RIT2: variants seen among roughly 807,000 people sequenced by gnomAD.
The protein encoded by RIT2 is GTP-binding protein Rit2.
Under a neutral mutation model 23.7 loss-of-function variants are expected in RIT2, and 24 were observed. The observed-to-expected ratio is 1.01, with a 90% confidence interval of 0.73 to 1.43. The LOEUF (loss-of-function observed/expected upper bound fraction) is 1.43, where lower values mean the gene tolerates loss of function less well. RIT2 is among the 40% of genes most tolerant of loss of function. The probability of loss-of-function intolerance (pLI) is 0.00; values close to 1 mark genes in which losing one functional copy is unlikely to be tolerated. For missense variants in RIT2, 236 were observed against 266.9 expected, an observed-to-expected ratio of 0.88 and a Z score of 0.81; for synonymous variants, 107 against 91.1, an observed-to-expected ratio of 1.17 and a Z score of -0.99.
At chr18:42,933,606 C>A (rs1909380184) in intron 3 of RIT2, among the ~76,000 whole-genome samples, 1 of 152,054 alleles carries the variant, frequency 6.6e-6, no homozygotes, top group Non-Finnish European at 1.5e-5. Flanking sequence ...GGGGCTTTTG[C>A]CCTTTTTGCT....
intron 3 of RIT2, among the ~76,000 whole-genome samples, chr18:42,936,461 T>C (rs1438819907): frequency 6.6e-6 from 1 of 152,136 alleles, no homozygotes; most frequent in African/African-American, 2.4e-5. Flanking sequence ...TTGTTAATGA[T>C]GTTGTTTCAG....
chr18:43,017,363 A>G (rs1391068754), intron 2 of RIT2, among the ~76,000 whole-genome samples: 3 of 127,224 alleles, frequency 2.4e-5, no homozygotes, highest in Non-Finnish European at 5.4e-5. Context: ...GAGTCAATAA[A>G]TAATAAAAGA....
intron 4 of RIT2, among the ~76,000 whole-genome samples, chr18:42,771,293 T>C (rs537890397): frequency 3.3e-4 from 50 of 152,304 alleles, no homozygotes; most frequent in Middle Eastern, 3.4e-3. Context: ...TCTCTTATGT[T>C]TCTTGTACTT....
chr18:42,928,619 A>G (rs1909243633), intron 3 of RIT2, among the ~76,000 whole-genome samples: 1 of 152,032 alleles, frequency 6.6e-6, no homozygotes, highest in Non-Finnish European at 1.5e-5. Context: ...TACAGAAAAA[A>G]TTATAAAGGA....
At chr18:42,797,960 A>C (rs1190349850) in intron 4 of RIT2, among the ~76,000 whole-genome samples, 1 of 152,332 alleles carries the variant, frequency 6.6e-6, no homozygotes, top group South Asian at 2.1e-4. Context: ...TTATTTGCCA[A>C]ATATCAGGTT....
At chr18:42,925,995 C>T (rs942256776) in intron 3 of RIT2, among the ~76,000 whole-genome samples, 2 of 151,628 alleles carry the variant, frequency 1.3e-5, no homozygotes, top group African/African-American at 4.8e-5. Context: ...AGATGGCCTC[C>T]TTTTATTCTT....
Position 42,905,834 on chromosome 18 carries a change from G to T in RIT2, c.426+17738C>A, listed in dbSNP as rs540768724. Among the ~76,000 whole-genome samples, 4 of 150,528 alleles carry T rather than the reference G, an allele frequency of 2.7e-5. No individual in the cohort carries two copies. In the East Asian group the frequency reaches 7.8e-4, roughly 29 times the overall value. On this transcript the variant is annotated intron_variant, in intron 4 of 4. Coordinates refer to ENST00000326695, the MANE Select transcript of RIT2 (RefSeq NM_002930.4). ...TAAAAGGATCAGAATCTAGGATGTC[G>T]ATAAAACTGATGAGATAAAACAGAG... is the stretch of plus-strand genomic sequence containing the variant.
intron 1 of RIT2, among the ~76,000 whole-genome samples, chr18:43,046,164 AT>A (rs1429296067): frequency 6.6e-6 from 1 of 152,144 alleles, no homozygotes; most frequent in Non-Finnish European, 1.5e-5. Flanking sequence ...AAAATCTTGT[AT>A]TTTAGTCAAT....
intron 4 of RIT2, among the ~76,000 whole-genome samples, chr18:42,885,994 T>C (rs982352649): frequency 4.6e-5 from 7 of 152,168 alleles, no homozygotes; most frequent in African/African-American, 1.7e-4. Flanking sequence ...GGAAGTGACT[T>C]ATTAGTAACC....
chr18:43,020,974 C>T (rs183737297), intron 2 of RIT2, among the ~76,000 whole-genome samples: 8 of 151,948 alleles, frequency 5.3e-5, no homozygotes, highest in Admixed American at 1.3e-4. Flanking sequence ...TGTCAAATAC[C>T]GCAAAAGCAC....
At chr18:43,040,647 C>G (rs1912106125) in intron 1 of RIT2, among the ~76,000 whole-genome samples, 1 of 152,104 alleles carries the variant, frequency 6.6e-6, no homozygotes, top group Non-Finnish European at 1.5e-5. Context: ...AGTCTATTAT[C>G]AAAACTCAGT....
At chr18:43,097,690 A>G (rs1273018642) in intron 1 of RIT2, among the ~76,000 whole-genome samples, 2 of 151,952 alleles carry the variant, frequency 1.3e-5, no homozygotes, top group Non-Finnish European at 2.9e-5. Flanking sequence ...GAAGGTCTAC[A>G]TAGAAATCCG....
At chr18:42,797,980 C>G (rs1386458551) in intron 4 of RIT2, among the ~76,000 whole-genome samples, 1 of 151,902 alleles carries the variant, frequency 6.6e-6, no homozygotes, top group Non-Finnish European at 1.5e-5. Context: ...TTGTGTCATC[C>G]TCTATATTTC....
chr18:42,967,519 G>A (rs1016758812), intron 3 of RIT2, among the ~76,000 whole-genome samples: 5 of 142,590 alleles, frequency 3.5e-5, no homozygotes, highest in Non-Finnish European at 6.0e-5. Flanking sequence ...ACAGACGCCC[G>A]CCACCACGCC....
In RIT2 at chr18:43,115,486, C is replaced by G; in HGVS notation, c.34G>C (p.Gly12Arg). ...TCTCTGGACCCGCCTGATGCGCTGC[C>G]CGGGGAGCAGCTGGCTTCATTTTCT... ...EVENEASCSP[G>R]SASGGSREYK... is the part of the protein sequence containing the mutation. The change falls in exon 1 of 5, where the codon GGC (glycine) becomes CGC (arginine). Residue 12 changes from glycine (G) to arginine (R), a missense_variant. By Grantham distance (125) the Gly-to-Arg change is moderately radical. Transcript: ENST00000326695. 6.2e-7 allele frequency: 1 copy of G among 1,613,464 alleles called. No homozygotes were observed. Among genetic ancestry groups the G allele is most frequent in the Non-Finnish European group, 8.5e-7 (1 of 1,179,718 alleles).
At chr18:42,906,530 A>T (rs1041133563) in intron 4 of RIT2, among the ~76,000 whole-genome samples, 56 of 152,144 alleles carry the variant, frequency 3.7e-4, no homozygotes, top group Non-Finnish European at 6.9e-4. Context: ...TTCTTAATTT[A>T]AAAAGTAGCA....
At chr18:42,755,586 C>T (rs1598641185) in intron 4 of RIT2, among the ~76,000 whole-genome samples, 1 of 152,090 alleles carries the variant, frequency 6.6e-6, no homozygotes, top group African/African-American at 2.4e-5. Context: ...ACTAATTTGC[C>T]TATATGTATT....
chr18:42,831,310 C>T (rs903324242), intron 4 of RIT2, among the ~76,000 whole-genome samples: 1 of 152,206 alleles, frequency 6.6e-6, no homozygotes, highest in Middle Eastern at 3.2e-3. Context: ...TATATCTAGA[C>T]AAGCAAATGC....
At chr18:43,049,846 G>A (rs929574347) in intron 1 of RIT2, among the ~76,000 whole-genome samples, 1 of 151,858 alleles carries the variant, frequency 6.6e-6, no homozygotes, top group South Asian at 2.1e-4. Context: ...CAGACTGGAT[G>A]TAAGGTGTAC....
Sources: allele counts gnomAD v4.1 joint callset (sites outside exome capture counted in the v4.1 genomes callset), GRCh38; gene constraint gnomAD v4.1.1; transcripts MANE v1.5; gene names NCBI Gene and HGNC (gene_info 2026-07-23, HGNC 2026-07-21).